Variants in ADARB2 observed in about 807,000 individuals in gnomAD.
ADARB2 encodes the protein inactive double-stranded RNA-specific editase B2.
In ADARB2, 25 loss-of-function variants were observed where a neutral mutation model predicts 62.2. That is an observed-to-expected ratio of 0.40 (90% CI 0.29 to 0.56). The LOEUF (loss-of-function observed/expected upper bound fraction) is 0.56. Among genes scored for constraint, ADARB2 ranks in the 20% least tolerant of loss-of-function variants. The probability of loss-of-function intolerance (pLI) is 0.43; values close to 1 mark genes in which losing one functional copy is unlikely to be tolerated. For synonymous variants in ADARB2, 572 were observed against 500.8 expected (o/e 1.14, Z -1.90); for missense variants, 1,071 against 1,077.4 (o/e 0.99, Z 0.08).
At chr10:1,503,176 C>T (rs370905530) in intron 1 of ADARB2, among the ~76,000 whole-genome samples, 1 of 152,228 alleles carries the variant, frequency 6.6e-6, no homozygotes, top group African/African-American at 2.4e-5. Context: ...AGGAAGAGAA[C>T]CATGGATTAT....
chr10:1,568,443 C>G (rs1010808026), intron 1 of ADARB2, among the ~76,000 whole-genome samples: 3 of 152,184 alleles, frequency 2.0e-5, no homozygotes, highest in Non-Finnish European at 4.4e-5. Flanking sequence ...AACTTCTCAC[C>G]AGTCAACCTG....
chr10:1,346,498 G>T (rs960085448), intron 3 of ADARB2, among the ~76,000 whole-genome samples: 17 of 152,238 alleles, frequency 1.1e-4, no homozygotes, highest in African/African-American at 3.9e-4. Context: ...CTGGCTTTCA[G>T]TGTTACTGAG....
At chr10:1,555,953 A>AAACAG (rs2131982104) in intron 1 of ADARB2, among the ~76,000 whole-genome samples, 1 of 152,302 alleles carries the variant, frequency 6.6e-6, no homozygotes, top group East Asian at 1.9e-4. Flanking sequence ...AAACAAAACA[A>AAACAG]AAAACTGAAA....
At chr10:1,309,221 T>A (rs1302715343) in intron 3 of ADARB2, among the ~76,000 whole-genome samples, 1 of 152,246 alleles carries the variant, frequency 6.6e-6, no homozygotes, top group Non-Finnish European at 1.5e-5. Flanking sequence ...TTGCCTGTCA[T>A]GTTGGGTATT....
In ADARB2 at chr10:1,180,828, A is replaced by ATC. The variant is rs1303129013; in HGVS notation, c.*2363_*2364dup. ...AGTCTCCTGTGGACTTAATACACGA[A>ATC]TCCATACACTTGTACTAATGGGTAG... On this transcript the variant is annotated 3_prime_UTR_variant, in exon 10 of 10. Coordinates refer to ENST00000381312, the MANE Select transcript of ADARB2 (RefSeq NM_018702.4). 3 of 152,230 alleles carry ATC rather than the reference A, an allele frequency of 2.0e-5. No homozygotes were observed. In the East Asian group the frequency reaches 5.8e-4, roughly 29 times the overall value. The allele number at this position is 152,230 out of a possible 1,614,324, so 9.4% of individuals were successfully genotyped here. A position where few individuals can be genotyped will look rare whatever the true frequency, so the allele number is the denominator to read the frequency against.
chr10:1,201,363 AAC>A (rs138212511), intron 7 of ADARB2, among the ~76,000 whole-genome samples: 23,418 of 152,240 alleles, frequency 0.15, 2,031 homozygotes, highest in East Asian at 0.28. Context: ...CTACAATTTA[AAC>A]AGTCATTGAT....
chr10:1,242,352 C>T (rs1048377063), intron 4 of ADARB2, 53 bp from the exon 5 acceptor site: 4 of 1,493,658 alleles, frequency 2.7e-6, no homozygotes. Flanking sequence ...CCGTCTCCCT[C>T]CTCCTCGGTC....
At chr10:1,700,249 G>A (rs1257427366) in intron 1 of ADARB2, among the ~76,000 whole-genome samples, 1 of 18,792 alleles carries the variant, frequency 5.3e-5, no homozygotes, top group Non-Finnish European at 1.1e-4. Context: ...CCAGGCGCTC[G>A]CCAATACACT....
rs188830473 is a variant in ADARB2, at chr10:1,579,512, A to G, written c.100+157539T>C. ...AGAGTACATGAGGAAACAGGCGCTC[A>G]ATGAAAGCGATCCCTTTCTGATTTG... On this transcript the variant is annotated intron_variant, in intron 1 of 9. Coordinates refer to ENST00000381312, the MANE Select transcript of ADARB2 (RefSeq NM_018702.4). 3.9e-4 allele frequency among the ~76,000 whole-genome samples: 60 copies of G among 152,354 alleles called. 1 individual carries two copies. The East Asian group carries it at 0.011, about 29-fold the overall frequency.
At chr10:1,307,848 C>T (rs911209804) in intron 3 of ADARB2, among the ~76,000 whole-genome samples, 2 of 128,358 alleles carry the variant, frequency 1.6e-5, no homozygotes, top group African/African-American at 5.8e-5. Flanking sequence ...CCAAACACCG[C>T]ATATTCTCAC....
intron 1 of ADARB2, among the ~76,000 whole-genome samples, chr10:1,634,877 T>G (rs998478265): frequency 2.6e-5 from 4 of 152,224 alleles, no homozygotes; most frequent in Non-Finnish European, 5.9e-5. Context: ...AGTAGTTACT[T>G]TCCAGAACAA....
rs765152939 is a variant in ADARB2, at chr10:1,503,211, A to AT, written c.101-124052dup. ...TGCAATATCAGGCTTTCGTGAAGGGATTTTTTTGTTGTTGTTGTTCAGTCT... is the reference window on the plus strand; with the variant it reads ...TGCAATATCAGGCTTTCGTGAAGGGATTTTTTTTGTTGTTGTTGTTCAGTCT... On this transcript the variant is annotated intron_variant, in intron 1 of 9. Coordinates refer to ENST00000381312, the MANE Select transcript of ADARB2 (RefSeq NM_018702.4). Among the ~76,000 whole-genome samples the AT allele has an allele frequency of 1.1e-3, 168 of 152,070 alleles. 1 individual carries two copies. The highest frequency in any genetic ancestry group is 1.6e-3 in the Non-Finnish European group (112 of 67,972).
chr10:1,641,311 G>T (rs899222147), intron 1 of ADARB2, among the ~76,000 whole-genome samples: 5 of 152,240 alleles, frequency 3.3e-5, no homozygotes, highest in Non-Finnish European at 7.3e-5. Flanking sequence ...ACGAAGTGGT[G>T]TGTTTCCACT....
chr10:1,516,970 G>C (rs1054055202), intron 1 of ADARB2, among the ~76,000 whole-genome samples: 1 of 152,202 alleles, frequency 6.6e-6, no homozygotes, highest in Non-Finnish European at 1.5e-5. Flanking sequence ...AAGGGATGGC[G>C]TTTCCCCCAC....
chr10:1,231,183 C>T (rs1025347550), intron 6 of ADARB2, among the ~76,000 whole-genome samples: 3 of 152,290 alleles, frequency 2.0e-5, no homozygotes, highest in East Asian at 1.9e-4. Flanking sequence ...GACATATTAG[C>T]CAAGGAAGAG....
At chr10:1,241,305 C>T (rs956857760) in intron 5 of ADARB2, among the ~76,000 whole-genome samples, 8 of 152,162 alleles carry the variant, frequency 5.3e-5, no homozygotes, top group African/African-American at 9.7e-5. Flanking sequence ...TTTTCAGCAG[C>T]GTCTGCTTAG....
intron 2 of ADARB2, among the ~76,000 whole-genome samples, chr10:1,368,111 C>A (rs1018834375): frequency 6.6e-6 from 1 of 151,976 alleles, no homozygotes; most frequent in African/African-American, 2.4e-5. Flanking sequence ...CACAGCCCAG[C>A]GGTGGCCTCT....
chr10:1,550,545 C>G (rs1269293502), intron 1 of ADARB2, among the ~76,000 whole-genome samples: 1 of 152,190 alleles, frequency 6.6e-6, no homozygotes, highest in Admixed American at 6.5e-5. Flanking sequence ...CCACATGGCC[C>G]AATTTACCAC....
At chr10:1,274,942 G>T (rs531449669) in intron 3 of ADARB2, among the ~76,000 whole-genome samples, 2 of 152,294 alleles carry the variant, frequency 1.3e-5, no homozygotes, top group African/African-American at 4.8e-5. Flanking sequence ...GCCGGGACAC[G>T]GGTGAAGGCG....
Sources: allele counts gnomAD v4.1 joint callset (sites outside exome capture counted in the v4.1 genomes callset), GRCh38; gene constraint gnomAD v4.1.1; transcripts MANE v1.5; gene names NCBI Gene and HGNC (gene_info 2026-07-23, HGNC 2026-07-21).